Variants in KIAA1210 observed in about 807,000 individuals in gnomAD.
KIAA1210 encodes the protein KIAA1210.
KIAA1210 carries 48 observed loss-of-function variants against 78.9 expected under a neutral mutation model. The observed-to-expected ratio is 0.61, with a 90% CI of 0.48 to 0.77. The LOEUF (loss-of-function observed/expected upper bound fraction) is 0.77, where lower values mean the gene tolerates loss of function less well. Ranked by LOEUF, KIAA1210 falls within the 30% of genes least tolerant of loss-of-function variation. The probability of loss-of-function intolerance (pLI) is 0.00; values close to 1 mark genes in which losing one functional copy is unlikely to be tolerated. For missense variants in KIAA1210, 1,108 were observed against 1,100.0 expected (o/e 1.01, Z -0.10); for synonymous variants, 406 against 404.5 (o/e 1.00, Z -0.04).
chrX:119,135,869 C>T (rs1382355777), intron 2 of KIAA1210, among the ~76,000 whole-genome samples: 1 of 111,476 alleles, frequency 9.0e-6, no homozygotes, highest in African/African-American at 3.3e-5. Context: ...TCCTGGCCAA[C>T]ATGTTGAAAC....
intron 4 of KIAA1210, among the ~76,000 whole-genome samples, 153 bp downstream of exon 4, chrX:119,108,923 A>C (rs922421641): frequency 5.4e-5 from 6 of 111,173 alleles, no homozygotes. Flanking sequence ...ATATTTATAC[A>C]TTCTGTCACT....
chrX:119,115,280 G>A (rs1477717493), intron 3 of KIAA1210, among the ~76,000 whole-genome samples: 1 of 110,173 alleles, frequency 9.1e-6, no homozygotes, highest in Non-Finnish European at 1.9e-5. Flanking sequence ...ACACACTTCT[G>A]GAAAGGAAGG....
exon 1 of KIAA1210, chrX:119,150,339 G>T: frequency 8.3e-7 from 1 of 1,207,876 alleles, no homozygotes; most frequent in Non-Finnish European, 1.1e-6. Context: ...AGGAAGCCCC[G>T]GGAATAACTA....
chrX:119,149,851 T>C (rs1219569272), intron 1 of KIAA1210, among the ~76,000 whole-genome samples: 1 of 111,061 alleles, frequency 9.0e-6, no homozygotes, highest in Non-Finnish European at 1.9e-5. Flanking sequence ...CATGTTTCCC[T>C]CTCTCTTTCC....
chrX:119,115,294 A>T (rs945102767), intron 3 of KIAA1210, among the ~76,000 whole-genome samples: 5 of 110,979 alleles, frequency 4.5e-5, no homozygotes, highest in African/African-American at 1.6e-4. Context: ...AGGAAGGAAC[A>T]AGTAAAAGGG....
chrX:119,133,587 T>C (rs1209564241), intron 2 of KIAA1210, among the ~76,000 whole-genome samples: 2 of 111,571 alleles, frequency 1.8e-5, no homozygotes, highest in Non-Finnish European at 3.8e-5. Context: ...TCTGTTTGTT[T>C]GTGCTCCTAG....
At chrX:119,123,463 G>GT (rs1928526912) in intron 2 of KIAA1210, 119 bp downstream of exon 2, 2 of 481,861 alleles carry the variant, frequency 4.2e-6, no homozygotes, top group Non-Finnish European at 6.7e-6. Flanking sequence ...AAAAGTAAAC[G>GT]TGACTGAGTC....
chrX:119,119,995 AGAAAG>A (rs1556002374), intron 2 of KIAA1210, among the ~76,000 whole-genome samples: 1 of 62,457 alleles, frequency 1.6e-5, no homozygotes, highest in Non-Finnish European at 4.2e-5. Context: ...AAAAAAAAAA[AGAAAG>A]AAAGAAAAGA....
intron 10 of KIAA1210, 58 bp from the exon 11 acceptor site, chrX:119,083,178 T>C (rs936229680): frequency 1.1e-6 from 1 of 930,422 alleles, no homozygotes; most frequent in African/African-American, 1.9e-5. Context: ...AATGGCAGAT[T>C]GCTTATTCAG....
At chrX:119,109,433 G>A (rs1307574446) in intron 3 of KIAA1210, among the ~76,000 whole-genome samples, 1 of 111,832 alleles carries the variant, frequency 8.9e-6, no homozygotes, top group Non-Finnish European at 1.9e-5. Context: ...AGTCTAGAAG[G>A]ATATCCACAA....
At chrX:119,117,293 G>A (rs1266659881) in intron 2 of KIAA1210, among the ~76,000 whole-genome samples, 1 of 112,417 alleles carries the variant, frequency 8.9e-6, no homozygotes, top group African/African-American at 3.2e-5. Flanking sequence ...TCAGAAAGAA[G>A]AAAGGGCTGC....
Position 119,097,168 on chromosome X carries a change from T to G in KIAA1210, c.649-477A>C, listed in dbSNP as rs764725123. Among the ~76,000 whole-genome samples, 3 of 111,388 alleles carry G rather than the reference T, an allele frequency of 2.7e-5. No individual in the cohort carries two copies. The East Asian group carries it at 8.5e-4, about 32-fold the overall frequency. On this transcript the variant is annotated intron_variant, in intron 6 of 11. Coordinates refer to ENST00000691062, the MANE Select transcript of KIAA1210 (RefSeq NM_001394962.1). Reference sequence around the variant, plus strand: ...GTTGGAAGAGGGCCTGTCTGCAAGGTGCATTTTCATAGACAGCACACTACC... The same window carrying G: ...GTTGGAAGAGGGCCTGTCTGCAAGGGGCATTTTCATAGACAGCACACTACC...
chrX:119,089,845 A>C lies in KIAA1210; in HGVS notation c.956-99T>G. The C allele has an allele frequency of 3.7e-6, 3 of 818,395 alleles. No individual in the cohort carries two copies. In the East Asian group the frequency reaches 9.5e-5, roughly 26 times the overall value. The allele number at this position is 818,395 out of a possible 1,213,427, so 67.4% of individuals were successfully genotyped here. On this transcript the variant is annotated intron_variant, in intron 8 of 11. Coordinates refer to ENST00000691062, the MANE Select transcript of KIAA1210 (RefSeq NM_001394962.1). ...GGCCCAGTGGTACCTATTTGCTACT[A>C]AATTTCCTAGTATGAGGAAGCAGCT...
chrX:119,115,996 C>G (rs761103291), intron 3 of KIAA1210, among the ~76,000 whole-genome samples: 43 of 111,631 alleles, frequency 3.9e-4, no homozygotes, highest in Non-Finnish European at 7.0e-4. Flanking sequence ...CATGACCCAC[C>G]CCACTCCCAG....
intron 8 of KIAA1210, among the ~76,000 whole-genome samples, chrX:119,093,009 C>G (rs1343919752): frequency 1.8e-5 from 2 of 110,959 alleles, no homozygotes; most frequent in African/African-American, 6.6e-5. Flanking sequence ...TTATCAAATA[C>G]TGCTAGAAAT....
intron 2 of KIAA1210, among the ~76,000 whole-genome samples, chrX:119,121,541 T>C (rs1008376691): frequency 3.1e-5 from 3 of 97,495 alleles, no homozygotes; most frequent in African/African-American, 1.1e-4. Context: ...CTGCAGTGTG[T>C]CACATGCCAG....
chrX:119,089,087 C>A lies in KIAA1210; in HGVS notation c.1615G>T (p.Ala539Ser). Residue 539 changes from alanine to serine, a missense_variant, in exon 9 of 12, where the codon GCC becomes TCC. This residue lies in a region of KIAA1210 where 672 missense variants were observed against 607.1 expected (regional missense o/e 1.11). Coordinates refer to ENST00000691062, the MANE Select transcript of KIAA1210 (RefSeq NM_001394962.1). ...QEAFSFDLQK[A>S]QSKMESAQDV... ...TGGGCTGACTCCATTTTGGATTGGG[C>A]CTTTTGTAAATCAAAGCTGAAAGCT... 1.7e-6 allele frequency: 2 copies of A among 1,211,806 alleles called. No individual in the cohort carries two copies. Among genetic ancestry groups the A allele is most frequent in the Non-Finnish European group, 2.2e-6 (2 of 895,392 alleles).
Position 119,123,592 on chromosome X carries a change from G to A in KIAA1210, c.51C>T (p.Ala17=), listed in dbSNP as rs746763523. 1.7e-5 allele frequency: 20 copies of A among 1,194,102 alleles called. No homozygotes were observed. The highest frequency in any genetic ancestry group is 4.6e-4 in the Middle Eastern group (2 of 4,338). Residue 17 remains alanine (A), a synonymous_variant, in exon 2 of 12, where the codon GCC becomes GCT. Coordinates refer to ENST00000691062, the MANE Select transcript of KIAA1210 (RefSeq NM_001394962.1). Reference sequence around the variant, plus strand: ...TATTGGGTTACTTACCCTCATCACCGGCCTCCAGAACATCCAGACTGTCAG... The same window carrying A: ...TATTGGGTTACTTACCCTCATCACCAGCCTCCAGAACATCCAGACTGTCAG... ...EISDSLDVLE[A]GDEGKKKCKF... is the part of the protein sequence containing the mutation.
intron 2 of KIAA1210, 121 bp from the exon 3 acceptor site, chrX:119,116,785 G>A (rs1307834610): frequency 1.7e-6 from 1 of 577,381 alleles, no homozygotes; most frequent in African/African-American, 2.3e-5. Flanking sequence ...TGCAGAGCTT[G>A]GACTCAACCC....
Sources: allele counts gnomAD v4.1 joint callset (sites outside exome capture counted in the v4.1 genomes callset), GRCh38; gene constraint gnomAD v4.1.1; regional missense constraint gnomAD v4.1.1; transcripts MANE v1.5; gene names NCBI Gene and HGNC (gene_info 2026-07-23, HGNC 2026-07-21).